Variants in DMRT1 observed in about 807,000 individuals in gnomAD.
DMRT1 encodes doublesex and mab-3 related transcription factor 1.
Under a neutral mutation model 32.3 loss-of-function variants are expected in DMRT1, and 7 were observed. The ratio of observed to expected loss-of-function variants is 0.22; its 90% CI spans 0.12 to 0.41. The LOEUF (loss-of-function observed/expected upper bound fraction) is 0.41, where lower values mean the gene tolerates loss of function less well. Ranked by LOEUF, DMRT1 falls within the 10% of genes least tolerant of loss-of-function variation. DMRT1 has a pLI of 1.00. For synonymous variants in DMRT1, 278 were observed against 206.1 expected (o/e 1.35, Z -2.99); for missense variants, 625 against 500.5 (o/e 1.25, Z -2.37).
At chr9:883,405 C>A (rs1393156124) in intron 2 of DMRT1, among the ~76,000 whole-genome samples, 1 of 151,968 alleles carries the variant, frequency 6.6e-6, no homozygotes, top group Non-Finnish European at 1.5e-5. Flanking sequence ...TGAGATGAAT[C>A]CTCTCCCCTC....
intron 4 of DMRT1, among the ~76,000 whole-genome samples, chr9:964,585 A>G (rs1044821277): frequency 6.6e-6 from 1 of 152,204 alleles, no homozygotes; most frequent in Admixed American, 6.5e-5. Flanking sequence ...GGAGGCTATC[A>G]ATGATTATAG....
At position 934,930 on chromosome 9, in the gene DMRT1, G is replaced by A. The variant is rs866646975; in HGVS notation, c.967+18023G>A. Among the ~76,000 whole-genome samples, 8 of 152,234 alleles carry A rather than the reference G, an allele frequency of 5.3e-5. No homozygotes were observed. In the Middle Eastern group the frequency reaches 0.01, roughly 194 times the overall value. On this transcript the variant is annotated intron_variant, in intron 4 of 4. Coordinates refer to ENST00000382276, the MANE Select transcript of DMRT1 (RefSeq NM_021951.3). ...GTTGATACACCTTGATCTCTCTGGT[G>A]AATATTTTCTCGGTTATCTTACTTT... is the stretch of plus-strand genomic sequence containing the variant.
intron 2 of DMRT1, among the ~76,000 whole-genome samples, chr9:886,351 G>A (rs1317419432): frequency 6.6e-6 from 1 of 152,186 alleles, no homozygotes; most frequent in African/African-American, 2.4e-5. Context: ...CGCCTCCTGG[G>A]TTCAAGCGAT....
chr9:953,037 G>C (rs1267116483), intron 4 of DMRT1, among the ~76,000 whole-genome samples: 1 of 152,148 alleles, frequency 6.6e-6, no homozygotes, highest in Non-Finnish European at 1.5e-5. Context: ...GAAATGTGTA[G>C]AGACTTTCTT....
At chr9:945,897 T>C (rs1819228057) in intron 4 of DMRT1, among the ~76,000 whole-genome samples, 1 of 152,188 alleles carries the variant, frequency 6.6e-6, no homozygotes, top group African/African-American at 2.4e-5. Context: ...AGATATGTGT[T>C]TCTGTAGAAA....
At chr9:901,002 T>G (rs117223408) in intron 3 of DMRT1, among the ~76,000 whole-genome samples, 85,192 of 144,708 alleles carry the variant, frequency 0.59, 27,178 homozygotes, top group South Asian at 0.74. Context: ...CTACTTCAGT[T>G]TTTTTTTTTT....
chr9:898,758 C>T (rs1046353871), intron 3 of DMRT1, among the ~76,000 whole-genome samples: 9 of 152,158 alleles, frequency 5.9e-5, no homozygotes, highest in African/African-American at 1.4e-4. Flanking sequence ...TTGCTAAGGC[C>T]GGACTCTCCT....
intron 1 of DMRT1, among the ~76,000 whole-genome samples, chr9:843,143 C>G (rs1022735879): frequency 6.6e-6 from 1 of 152,228 alleles, no homozygotes; most frequent in Non-Finnish European, 1.5e-5. Flanking sequence ...TCCCTCCTTG[C>G]TGAGTTGCAC....
chr9:846,816 G>T, intron 1 of DMRT1, 144 bp from the exon 2 acceptor site: 1 of 980,856 alleles, frequency 1.0e-6, no homozygotes, highest in Non-Finnish European at 1.6e-6. Flanking sequence ...TAGTTACCTG[G>T]GTGGGTTTAA....
At chr9:924,182 C>G (rs570886842) in intron 4 of DMRT1, among the ~76,000 whole-genome samples, 3 of 151,784 alleles carry the variant, frequency 2.0e-5, no homozygotes, top group African/African-American at 7.3e-5. Flanking sequence ...AGCAATTCTC[C>G]TACCTCAGCC....
rs78419564 is a variant in DMRT1 at position 932,472 on chromosome 9, A to C, written c.967+15565A>C. On this transcript the variant is annotated intron_variant, in intron 4 of 4. Coordinates refer to ENST00000382276, the MANE Select transcript of DMRT1 (RefSeq NM_021951.3). ...TCTATATAGACCATCCATATATGAA[A>C]AATAAACTTTTACTTTTGGAAGCAC... Among the ~76,000 whole-genome samples, 155 of 152,320 alleles carry C rather than the reference A, an allele frequency of 1.0e-3. 4 individuals carry two copies. In the East Asian group the frequency reaches 0.022, roughly 21 times the overall value.
At chr9:853,526 G>A (rs1035686191) in intron 2 of DMRT1, among the ~76,000 whole-genome samples, 3 of 150,476 alleles carry the variant, frequency 2.0e-5, no homozygotes, top group African/African-American at 7.4e-5. Context: ...AGGCTGGGGT[G>A]TAGTGGTGTG....
intron 4 of DMRT1, among the ~76,000 whole-genome samples, chr9:954,828 G>A (rs576156007): frequency 6.6e-6 from 1 of 152,022 alleles, no homozygotes; most frequent in African/African-American, 2.4e-5. Flanking sequence ...TTTTAGTAGA[G>A]ACAGGGTTTC....
chr9:968,514 G>GT lies in DMRT1; in HGVS notation c.*375_*376insT, dbSNP rs1820008492. 3.2e-5 allele frequency: 3 copies of GT among 94,246 alleles called. No individual in the cohort carries two copies. Among genetic ancestry groups the GT allele is most frequent in the South Asian group, 3.9e-4 (2 of 5,112 alleles). The allele number at this position is 94,246 out of a possible 1,614,324, so 5.8% of individuals were successfully genotyped here. On this transcript the variant is annotated 3_prime_UTR_variant, in exon 5 of 5. Transcript: ENST00000382276. ...AAAATGAAATCTTAGGTGCCTTAGG[G>GT]GTTTTTTTTTTTTTTAAGTATTTTT...
chr9:865,396 G>A (rs1815936419), intron 2 of DMRT1, among the ~76,000 whole-genome samples: 1 of 151,968 alleles, frequency 6.6e-6, no homozygotes, highest in Admixed American at 6.6e-5. Flanking sequence ...ATATCTTGTA[G>A]AATTGTTAGA....
At chr9:865,269 A>C (rs1275125218) in intron 2 of DMRT1, among the ~76,000 whole-genome samples, 1 of 152,168 alleles carries the variant, frequency 6.6e-6, no homozygotes, top group Non-Finnish European at 1.5e-5. Context: ...AGAACCTAAG[A>C]TCTGGAGTCA....
In DMRT1 at chr9:862,535, G is replaced by A. The variant is rs549907629; in HGVS notation, c.538+15392G>A. Among the ~76,000 whole-genome samples, 134 of 150,848 alleles carry A rather than the reference G, an allele frequency of 8.9e-4. 1 individual carries two copies. The highest frequency in any genetic ancestry group is 2.9e-3 in the Admixed American group (44 of 15,116). ...ATGGGGAGGGGGAGGGGGAGGGGGA[G>A]GGAGATTGAGATTTACTTTCTTAAA... On this transcript the variant is annotated intron_variant, in intron 2 of 4. Transcript: ENST00000382276.
At chr9:953,081 C>A (rs970353713) in intron 4 of DMRT1, among the ~76,000 whole-genome samples, 1 of 152,066 alleles carries the variant, frequency 6.6e-6, no homozygotes, top group African/African-American at 2.4e-5. Flanking sequence ...TGCATACATG[C>A]TTTGTGTGTC....
intron 4 of DMRT1, among the ~76,000 whole-genome samples, chr9:945,745 T>C (rs1481354696): frequency 6.6e-6 from 1 of 151,894 alleles, no homozygotes; most frequent in African/African-American, 2.4e-5. Context: ...ACACACTTTT[T>C]TTTTTTTTTT....
Sources: allele counts gnomAD v4.1 joint callset (sites outside exome capture counted in the v4.1 genomes callset), GRCh38; gene constraint gnomAD v4.1.1; transcripts MANE v1.5; gene names NCBI Gene and HGNC (gene_info 2026-07-23, HGNC 2026-07-21).